The following CDYL2 variants were observed in gnomAD, a reference collection of about 807,000 sequenced individuals.
CDYL2 encodes the protein chromodomain Y-like protein 2.
In CDYL2, 23 loss-of-function variants were observed where a neutral mutation model predicts 49.4. The ratio of observed to expected loss-of-function variants is 0.47; its 90% confidence interval spans 0.34 to 0.66. The LOEUF is 0.66. CDYL2 is among the 30% of genes least tolerant of loss of function. CDYL2 has a pLI of 0.01. For missense variants in CDYL2, 678 were observed against 656.4 expected (o/e 1.03, Z -0.36); for synonymous variants, 360 against 268.8 (o/e 1.34, Z -3.32).
intron 1 of CDYL2, among the ~76,000 whole-genome samples, chr16:80,686,004 G>A (rs1338677590): frequency 6.6e-6 from 1 of 152,332 alleles, no homozygotes; most frequent in East Asian, 1.9e-4. Context: ...TACCTACTAT[G>A]CACCTCACAT....
At chr16:80,765,297 T>C (rs1045268774) in intron 1 of CDYL2, among the ~76,000 whole-genome samples, 1 of 151,346 alleles carries the variant, frequency 6.6e-6, no homozygotes. Context: ...TTATTCAATC[T>C]CTGGATGACA....
At chr16:80,791,493 G>C (rs1364341254) in intron 1 of CDYL2, among the ~76,000 whole-genome samples, 1 of 152,194 alleles carries the variant, frequency 6.6e-6, no homozygotes, top group Non-Finnish European at 1.5e-5. Flanking sequence ...TCAGCTGAGT[G>C]CTATAACAAG....
intron 1 of CDYL2, among the ~76,000 whole-genome samples, chr16:80,771,346 C>T (rs546049413): frequency 4.6e-5 from 7 of 152,344 alleles, no homozygotes; most frequent in African/African-American, 1.4e-4. Flanking sequence ...GTCAAACACA[C>T]ACCTTAAAAT....
At chr16:80,804,054 G>GCCCGGC (rs958256396) in intron 1 of CDYL2, 96 bp downstream of exon 1, 35 of 877,722 alleles carry the variant, frequency 4.0e-5, no homozygotes, top group African/African-American at 5.7e-5. Context: ...TCCGGATTGC[G>GCCCGGC]CCCGGCCCCG....
intron 1 of CDYL2, among the ~76,000 whole-genome samples, chr16:80,722,992 C>T (rs1397657661): frequency 6.6e-6 from 1 of 152,210 alleles, no homozygotes; most frequent in Non-Finnish European, 1.5e-5. Flanking sequence ...AAGGAGAAGA[C>T]ATAGAGGGGC....
intron 2 of CDYL2, among the ~76,000 whole-genome samples, chr16:80,684,314 G>A (rs1910086910): frequency 1.3e-5 from 2 of 152,178 alleles, no homozygotes; most frequent in African/African-American, 4.8e-5. Context: ...GACCTTGGCT[G>A]GAGCATCAGA....
At chr16:80,735,776 C>T (rs1905501237) in intron 1 of CDYL2, among the ~76,000 whole-genome samples, 2 of 152,232 alleles carry the variant, frequency 1.3e-5, no homozygotes. Flanking sequence ...CAGACCACCC[C>T]TTCCATTTGC....
chr16:80,703,715 C>G (rs779954088), intron 1 of CDYL2, among the ~76,000 whole-genome samples: 1 of 152,116 alleles, frequency 6.6e-6, no homozygotes, highest in Non-Finnish European at 1.5e-5. Flanking sequence ...AGGGGCTTCT[C>G]CACGGCTATT....
chr16:80,748,506 TAAAAAAAAA>T (rs538432449), intron 1 of CDYL2, among the ~76,000 whole-genome samples: 289 of 19,100 alleles, frequency 0.015, 1 homozygote, highest in African/African-American at 0.038. Context: ...AAAACTCCAT[TAAAAAAAAA>T]AAAAAAAAAA....
At chr16:80,667,288 GCCTC>G (rs1909306740) in intron 2 of CDYL2, among the ~76,000 whole-genome samples, 1 of 152,158 alleles carries the variant, frequency 6.6e-6, no homozygotes, top group African/African-American at 2.4e-5. Context: ...CTGGAGCTCA[GCCTC>G]CCGTGCAGGC....
rs2142350671 is a variant in CDYL2, at chr16:80,601,991, C to G, written c.*2397G>C. ...CTGATCTAAAGGAATTTCTAAACAT[C>G]CCCTTCCATGTCCAAGGAGAATCCT... is the stretch of plus-strand genomic sequence containing the variant. On this transcript the variant is annotated 3_prime_UTR_variant, in exon 7 of 7. Transcript: ENST00000570137. 1 of 152,308 alleles carries G rather than the reference C, an allele frequency of 6.6e-6. No individual in the cohort carries two copies. The highest frequency in any genetic ancestry group is 1.9e-4 in the East Asian group (1 of 5,176). The allele number at this position is 152,308 out of a possible 1,614,324, so 9.4% of individuals were successfully genotyped here.
Position 80,759,336 on chromosome 16 carries a change from A to C in CDYL2, c.24+44814T>G, listed in dbSNP as rs542264264. On this transcript the variant is annotated intron_variant, in intron 1 of 6. Transcript: ENST00000570137. Reference sequence around the variant, plus strand: ...GAATGGAGATGACACTTGAAATTTGAAAAAAGGTTAATGTTTTAAAAATTG... The same window carrying C: ...GAATGGAGATGACACTTGAAATTTGCAAAAAGGTTAATGTTTTAAAAATTG... 3.9e-5 allele frequency among the ~76,000 whole-genome samples: 6 copies of C among 151,952 alleles called. No individual in the cohort carries two copies. In the East Asian group the frequency reaches 9.7e-4, roughly 25 times the overall value.
chr16:80,698,869 C>A (rs567322844), intron 1 of CDYL2, among the ~76,000 whole-genome samples: 7 of 152,180 alleles, frequency 4.6e-5, no homozygotes, highest in Non-Finnish European at 1.0e-4. Flanking sequence ...TCAGGTACTT[C>A]TTTATAGCAG....
intron 1 of CDYL2, among the ~76,000 whole-genome samples, chr16:80,737,467 T>G (rs544598822): frequency 6.6e-6 from 1 of 152,344 alleles, no homozygotes; most frequent in South Asian, 2.1e-4. Context: ...GCTGTGAGAA[T>G]TGCAGAGCGT....
At chr16:80,771,588 T>C (rs767752879) in intron 1 of CDYL2, among the ~76,000 whole-genome samples, 2 of 152,016 alleles carry the variant, frequency 1.3e-5, no homozygotes, top group African/African-American at 2.4e-5. Context: ...ACCTGTAATT[T>C]CAGCTTCTTG....
intron 1 of CDYL2, among the ~76,000 whole-genome samples, chr16:80,740,458 C>CA (rs1905695584): frequency 6.6e-6 from 1 of 152,172 alleles, no homozygotes; most frequent in Non-Finnish European, 1.5e-5. Flanking sequence ...CACAAAATTT[C>CA]AGCATTAAAA....
At chr16:80,789,513 T>C (rs541657656) in intron 1 of CDYL2, among the ~76,000 whole-genome samples, 11 of 151,908 alleles carry the variant, frequency 7.2e-5, no homozygotes, top group African/African-American at 2.4e-4. Flanking sequence ...GGCAGAAGAA[T>C]CATTTGAACC....
At chr16:80,721,594 T>C (rs1463135982) in intron 1 of CDYL2, among the ~76,000 whole-genome samples, 2 of 152,186 alleles carry the variant, frequency 1.3e-5, no homozygotes, top group Non-Finnish European at 2.9e-5. Flanking sequence ...CACTTTCTTC[T>C]AAGCAGGTTT....
intron 1 of CDYL2, among the ~76,000 whole-genome samples, chr16:80,705,380 A>C (rs901246182): frequency 7.2e-5 from 11 of 152,234 alleles, no homozygotes; most frequent in African/African-American, 2.7e-4. Context: ...AATGTCATCC[A>C]GATGCAAACT....
Sources: allele counts gnomAD v4.1 joint callset (sites outside exome capture counted in the v4.1 genomes callset), GRCh38; gene constraint gnomAD v4.1.1; transcripts MANE v1.5; gene names NCBI Gene and HGNC (gene_info 2026-07-23, HGNC 2026-07-21).